Variants in SGSM1 observed in about 807,000 individuals in gnomAD.
The protein encoded by SGSM1 is RUN and TBC1 domain containing 2.
A neutral mutation model predicts 133.8 loss-of-function variants in SGSM1; 73 were observed. The observed-to-expected ratio is 0.55, with a 90% CI of 0.45 to 0.66. The LOEUF is 0.66. Ranked by LOEUF, SGSM1 falls within the 30% of genes least tolerant of loss-of-function variation. The pLI is 0.00. For missense variants in SGSM1, 1,213 were observed against 1,448.1 expected (o/e 0.84, Z 2.64); for synonymous variants, 563 against 573.0 (o/e 0.98, Z 0.25).
intron 2 of SGSM1, 43 bp from the exon 3 acceptor site, chr22:24,844,854 G>T: frequency 6.2e-7 from 1 of 1,605,954 alleles, no homozygotes; most frequent in Non-Finnish European, 8.5e-7. Flanking sequence ...GGTCACCTTG[G>T]TCACCTTGGA....
At chr22:24,858,213 C>T (rs1319507734) in intron 8 of SGSM1, among the ~76,000 whole-genome samples, 1 of 152,202 alleles carries the variant, frequency 6.6e-6, no homozygotes, top group Non-Finnish European at 1.5e-5. Flanking sequence ...CTCCTGGGCT[C>T]AGGTAATTCT....
rs5760730 is a variant in SGSM1, at chr22:24,919,527, A to G, written c.3026-299A>G. ...GGGCAGGGCAAGGACAGATCCATGT[A>G]ATTCATACCTGCACGTGCCTGGTTC... On this transcript the variant is annotated intron_variant, in intron 23 of 24. Coordinates refer to ENST00000400358, the MANE Select transcript of SGSM1 (RefSeq NM_001098497.3). 2.5e-3 allele frequency among the ~76,000 whole-genome samples: 373 copies of G among 152,230 alleles called. 11 individuals carry two copies. In the East Asian group the frequency reaches 0.066, roughly 27 times the overall value.
At chr22:24,824,008 G>T (rs112856677) in intron 2 of SGSM1, among the ~76,000 whole-genome samples, 3,802 of 152,346 alleles carry the variant, frequency 0.025, 133 homozygotes, top group African/African-American at 0.079. Context: ...AGAAGGGACA[G>T]GATTTACCCA....
intron 19 of SGSM1, among the ~76,000 whole-genome samples, chr22:24,899,518 CTTTT>C (rs56027362): frequency 9.0e-5 from 12 of 133,860 alleles, no homozygotes; most frequent in South Asian, 2.3e-4. Flanking sequence ...CTTTTCTTTT[CTTTT>C]TTTTTTTTTT....
chr22:24,903,165 A>G (rs1933224296), intron 20 of SGSM1, among the ~76,000 whole-genome samples: 1 of 152,144 alleles, frequency 6.6e-6, no homozygotes, highest in African/African-American at 2.4e-5. Flanking sequence ...ACAATTTAGT[A>G]ATATCTAATT....
intron 16 of SGSM1, among the ~76,000 whole-genome samples, chr22:24,890,157 C>T (rs1168290207): frequency 6.6e-6 from 1 of 151,762 alleles, no homozygotes; most frequent in Non-Finnish European, 1.5e-5. Flanking sequence ...AGGGTTTTAC[C>T]GTGTTAGATA....
At chr22:24,860,922 A>AT (rs34462953) in intron 9 of SGSM1, among the ~76,000 whole-genome samples, 150 of 37,370 alleles carry the variant, frequency 4.0e-3, no homozygotes, top group Admixed American at 7.0e-3. Flanking sequence ...AAAAAAAAAA[A>AT]ATATATATAT....
intron 2 of SGSM1, among the ~76,000 whole-genome samples, chr22:24,824,567 G>GCCACCAGC (rs1928689735): frequency 6.6e-6 from 1 of 151,496 alleles, no homozygotes; most frequent in South Asian, 2.1e-4. Flanking sequence ...AAAATTAAAA[G>GCCACCAGC]CCACCAGCTC....
intron 12 of SGSM1, among the ~76,000 whole-genome samples, chr22:24,871,472 T>C (rs902438684): frequency 1.2e-4 from 19 of 152,140 alleles, no homozygotes; most frequent in Admixed American, 9.2e-4. Context: ...AGGTATCGTG[T>C]CTTGAGTGCC....
intron 15 of SGSM1, among the ~76,000 whole-genome samples, chr22:24,886,118 T>G (rs968866462): frequency 2.0e-5 from 3 of 152,168 alleles, no homozygotes; most frequent in Non-Finnish European, 2.9e-5. Context: ...GGCTCACACC[T>G]GTAATCCCAG....
At position 24,855,589 on chromosome 22, in the gene SGSM1, C is replaced by T. The variant is rs1397403600; in HGVS notation, c.710C>T (p.Pro237Leu). ...RHSSGSMDDR[P>L]SLSARDYVES... ...TCCAGTGGCAGCATGGATGACCGGC[C>T]ATCCCTCTCTGCCCGCGACTACGTG... The change falls in exon 8 of 25, where the codon CCA becomes CTA. Residue 237 changes from proline to leucine, a missense_variant. Physicochemically the swap from Pro to Leu is moderately conservative, Grantham distance 98 (BLOSUM62 -3). Coordinates refer to ENST00000400358, the MANE Select transcript of SGSM1 (RefSeq NM_001098497.3). 6.2e-7 allele frequency: 1 copy of T among 1,613,942 alleles called. No homozygotes were observed. Among genetic ancestry groups the T allele is most frequent in the Non-Finnish European group, 8.5e-7 (1 of 1,179,872 alleles).
chr22:24,835,274 C>G (rs1929362543), intron 2 of SGSM1, among the ~76,000 whole-genome samples: 1 of 152,168 alleles, frequency 6.6e-6, no homozygotes, highest in Non-Finnish European at 1.5e-5. Flanking sequence ...TGAGCACACA[C>G]CGTGTACCAA....
intron 16 of SGSM1, among the ~76,000 whole-genome samples, 191 bp from the exon 17 acceptor site, chr22:24,893,240 G>T (rs914400578): frequency 1.3e-5 from 2 of 152,212 alleles, no homozygotes; most frequent in African/African-American, 4.8e-5. Flanking sequence ...GAAAGAAGTA[G>T]CCTTGCTCCC....
intron 20 of SGSM1, among the ~76,000 whole-genome samples, chr22:24,902,817 T>C (rs954678199): frequency 6.6e-6 from 1 of 152,208 alleles, no homozygotes; most frequent in Non-Finnish European, 1.5e-5. Flanking sequence ...GGCAGGAGGA[T>C]TGCTTGAGGC....
chr22:24,879,408 A>C, intron 13 of SGSM1, 54 bp from the exon 14 acceptor site: 1 of 1,579,002 alleles, frequency 6.3e-7, no homozygotes, highest in Non-Finnish European at 8.7e-7. Context: ...TCTCCAGAAA[A>C]TCTGGGCTGT....
chr22:24,896,432 G>A (rs1164128204), intron 18 of SGSM1, among the ~76,000 whole-genome samples: 1 of 152,070 alleles, frequency 6.6e-6, no homozygotes, highest in East Asian at 1.9e-4. Flanking sequence ...TATTTCAGGT[G>A]ACTTTGGAAC....
intron 2 of SGSM1, among the ~76,000 whole-genome samples, chr22:24,809,221 C>T (rs1042785128): frequency 6.6e-6 from 1 of 152,192 alleles, no homozygotes; most frequent in Non-Finnish European, 1.5e-5. Flanking sequence ...GAGAGCCAGT[C>T]TCTAGTGGAA....
intron 2 of SGSM1, among the ~76,000 whole-genome samples, chr22:24,809,759 A>G (rs1275582544): frequency 6.6e-6 from 1 of 152,166 alleles, no homozygotes; most frequent in Non-Finnish European, 1.5e-5. Flanking sequence ...CAGCGGAGGA[A>G]ACACACTCCC....
intron 5 of SGSM1, 102 bp from the exon 6 acceptor site, chr22:24,854,894 C>G (rs1459572301): frequency 2.4e-6 from 2 of 839,910 alleles, no homozygotes; most frequent in Admixed American, 2.2e-5. Context: ...AGCTGAGGCT[C>G]TGGGTGGTAA....
Sources: allele counts gnomAD v4.1 joint callset (sites outside exome capture counted in the v4.1 genomes callset), GRCh38; gene constraint gnomAD v4.1.1; transcripts MANE v1.5; gene names NCBI Gene and HGNC (gene_info 2026-07-23, HGNC 2026-07-21).